Variants in PIGN observed in about 807,000 individuals in gnomAD.
PIGN encodes the protein GPI ethanolamine phosphate transferase 1.
A neutral mutation model predicts 125.4 loss-of-function variants in PIGN; 117 were observed. The observed-to-expected ratio is 0.93, with a 90% CI of 0.80 to 1.09. PIGN has a LOEUF of 1.09. PIGN is among the 50% of genes least tolerant of loss of function. The pLI, the probability that PIGN is intolerant of heterozygous loss-of-function variation, is 0.00. For missense variants in PIGN, 1,075 were observed against 1,094.9 expected (o/e 0.98, Z 0.26); for synonymous variants, 392 against 377.8 (o/e 1.04, Z -0.44).
At chr18:62,054,375 A>C (rs1004555443) in intron 30 of PIGN, among the ~76,000 whole-genome samples, 1 of 152,038 alleles carries the variant, frequency 6.6e-6, no homozygotes, top group East Asian at 1.9e-4. Context: ...TAAAAAAAAA[A>C]ACAAAAAACT....
chr18:62,112,151 G>C (rs1156606541), intron 16 of PIGN, among the ~76,000 whole-genome samples: 1 of 152,050 alleles, frequency 6.6e-6, no homozygotes, highest in Non-Finnish European at 1.5e-5. Flanking sequence ...AGAATGCCTA[G>C]ATACAATTCC....
intron 23 of PIGN, among the ~76,000 whole-genome samples, chr18:62,028,162 G>A (rs926886646): frequency 3.3e-5 from 5 of 152,200 alleles, no homozygotes; most frequent in Non-Finnish European, 5.9e-5. Flanking sequence ...CAATGACAGC[G>A]GAGATGATAA....
At chr18:62,061,691 T>C (rs1366783156) in intron 30 of PIGN, among the ~76,000 whole-genome samples, 1 of 152,110 alleles carries the variant, frequency 6.6e-6, no homozygotes, top group African/African-American at 2.4e-5. Context: ...ACAATTCCAA[T>C]AACCCCGGCA....
chr18:62,086,340 C>T (rs768018585), intron 25 of PIGN, among the ~76,000 whole-genome samples: 2 of 152,080 alleles, frequency 1.3e-5, no homozygotes, highest in East Asian at 1.9e-4. Flanking sequence ...TGAACTGGGC[C>T]GGGTGTAGTG....
chr18:62,143,506 A>AT (rs955581790), intron 10 of PIGN, among the ~76,000 whole-genome samples, 160 bp from the exon 11 acceptor site: 1 of 152,176 alleles, frequency 6.6e-6, no homozygotes, highest in African/African-American at 2.4e-5. Context: ...GCAAAGGTGT[A>AT]TTTTTTTAAA....
chr18:62,074,867 A>C (rs2033093029), intron 28 of PIGN, 46 bp from the exon 29 acceptor site: 1 of 1,353,546 alleles, frequency 7.4e-7, no homozygotes, highest in Non-Finnish European at 1.0e-6. Flanking sequence ...CAACAGGTGC[A>C]TTTTTCAAGC....
At chr18:62,076,215 G>A (rs1400160088) in intron 28 of PIGN, among the ~76,000 whole-genome samples, 3 of 152,202 alleles carry the variant, frequency 2.0e-5, no homozygotes, top group East Asian at 1.9e-4. Flanking sequence ...TTACAGGCAT[G>A]AGCCACCACG....
intron 30 of PIGN, among the ~76,000 whole-genome samples, chr18:62,050,893 A>G (rs201987836): frequency 0.58 from 85,919 of 148,616 alleles, 25,696 homozygotes; most frequent in East Asian, 0.78. Flanking sequence ...CTAATTTATT[A>G]AGAGTTTTTA....
At chr18:62,125,422 G>A (rs1045281622) in intron 14 of PIGN, among the ~76,000 whole-genome samples, 5 of 151,980 alleles carry the variant, frequency 3.3e-5, no homozygotes, top group African/African-American at 9.7e-5. Flanking sequence ...AGTCTTTCTA[G>A]TAGACATGTT....
chr18:62,116,676 G>C (rs1268733988), intron 14 of PIGN, among the ~76,000 whole-genome samples: 1 of 152,290 alleles, frequency 6.6e-6, no homozygotes, highest in Non-Finnish European at 1.5e-5. Context: ...TGTGGGCCAA[G>C]ATAATGTCTT....
intron 25 of PIGN, among the ~76,000 whole-genome samples, chr18:62,085,732 T>C (rs943294818): frequency 1.3e-5 from 2 of 152,176 alleles, no homozygotes; most frequent in African/African-American, 2.4e-5. Flanking sequence ...TTAAAATAAT[T>C]CAATAGAGAA....
At chr18:62,037,462 G>T (rs1475249636), downstream of PIGN, among the ~76,000 whole-genome samples, 1 of 152,256 alleles carries the variant, frequency 6.6e-6, no homozygotes, top group East Asian at 1.9e-4. Flanking sequence ...GGGCCCCATC[G>T]TGCAGACAAA....
intron 30 of PIGN, among the ~76,000 whole-genome samples, chr18:62,056,459 T>G (rs1398471096): frequency 6.6e-6 from 1 of 152,076 alleles, no homozygotes; most frequent in African/African-American, 2.4e-5. Context: ...TTTGTGTCCT[T>G]TCTCCTCTCC....
At chr18:62,085,690 G>A (rs189174071) in intron 25 of PIGN, among the ~76,000 whole-genome samples, 1 of 152,200 alleles carries the variant, frequency 6.6e-6, no homozygotes, top group Non-Finnish European at 1.5e-5. Context: ...TAGACCACTT[G>A]AAAGGCTCAG....
At chr18:62,028,140 A>C (rs72938006) in intron 23 of PIGN, among the ~76,000 whole-genome samples, 38,082 of 152,042 alleles carry the variant, frequency 0.25, 5,096 homozygotes, top group East Asian at 0.42. Context: ...TCTTTCCCCT[A>C]GCTTCTCGTG....
intron 1 of PIGN, among the ~76,000 whole-genome samples, chr18:62,179,064 C>T (rs539278157): frequency 6.6e-6 from 1 of 152,204 alleles, no homozygotes; most frequent in Non-Finnish European, 1.5e-5. Flanking sequence ...TAATGTCTTG[C>T]TATTGGGATT....
At chr18:62,040,236 C>T (rs578148339), downstream of PIGN, among the ~76,000 whole-genome samples, 14 of 144,050 alleles carry the variant, frequency 9.7e-5, no homozygotes, top group African/African-American at 3.6e-4. Context: ...GTTTAGGGCC[C>T]CATCCAGGGT....
At chr18:62,170,465 T>C (rs2037311488) in intron 1 of PIGN, among the ~76,000 whole-genome samples, 1 of 152,226 alleles carries the variant, frequency 6.6e-6, no homozygotes, top group Non-Finnish European at 1.5e-5. Flanking sequence ...TGATCTTTGA[T>C]GTTATGATTG....
intron 1 of PIGN, among the ~76,000 whole-genome samples, chr18:62,180,744 AGTGT>A (rs2037689153): frequency 2.0e-5 from 3 of 152,100 alleles, no homozygotes; most frequent in African/African-American, 7.2e-5. Context: ...ATGTTTATAT[AGTGT>A]GTGTATGTTT....
Sources: gnomAD v4.1 joint callset for allele counts (sites outside exome capture counted in the v4.1 genomes callset) on GRCh38, gnomAD v4.1.1 for gene constraint, MANE v1.5 for transcripts, NCBI Gene and HGNC (gene_info 2026-07-23, HGNC 2026-07-21) for gene names.